NFU1: variants seen among roughly 807,000 people sequenced by gnomAD.
NFU1 encodes NFU1 iron-sulfur cluster scaffold homolog, mitochondrial.
Under a neutral mutation model 32.2 loss-of-function variants are expected in NFU1, and 30 were observed. The ratio of observed to expected loss-of-function variants is 0.93; its 90% CI spans 0.70 to 1.26. The LOEUF is 1.26. Among genes scored for constraint, NFU1 ranks in the 50% most tolerant of loss-of-function variants. The pLI is 0.00. For synonymous variants in NFU1, 112 were observed against 104.6 expected, an observed-to-expected ratio of 1.07 and a Z score of -0.43; for missense variants, 306 against 306.6, an observed-to-expected ratio of 1.00 and a Z score of 0.02.
intron 5 of NFU1, among the ~76,000 whole-genome samples, chr2:69,414,481 G>A (rs781396367): frequency 7.2e-5 from 11 of 151,998 alleles, no homozygotes; most frequent in Non-Finnish European, 1.6e-4. Flanking sequence ...AGCTGGGTGT[G>A]GTGGTGCACA....
chr2:69,411,338 G>A (rs537535399), intron 5 of NFU1, among the ~76,000 whole-genome samples: 1 of 152,178 alleles, frequency 6.6e-6, no homozygotes, highest in East Asian at 1.9e-4. Flanking sequence ...AAATACTTAT[G>A]GAGCTTCATG....
intron 6 of NFU1, among the ~76,000 whole-genome samples, chr2:69,402,895 CTT>C (rs1672569959): frequency 6.6e-6 from 1 of 151,456 alleles, no homozygotes; most frequent in African/African-American, 2.4e-5. Flanking sequence ...TATCTGATTT[CTT>C]GTGTCCCGTT....
At chr2:69,406,172 G>C in intron 5 of NFU1, 90 bp from the exon 6 acceptor site, 2 of 770,890 alleles carry the variant, frequency 2.6e-6, no homozygotes, top group Non-Finnish European at 2.2e-6. Context: ...TTAACTACAT[G>C]GTTCATTAAA....
intron 7 of NFU1, chr2:69,399,140 G>T (rs933170179): frequency 8.2e-6 from 2 of 244,316 alleles, no homozygotes; most frequent in Non-Finnish European, 1.6e-5. Context: ...CCTGGGAGGT[G>T]GAGGTTGCAG....
chr2:69,406,976 ACTT>A (rs1378639961), intron 5 of NFU1, among the ~76,000 whole-genome samples: 6 of 151,856 alleles, frequency 4.0e-5, no homozygotes, highest in African/African-American at 1.2e-4. Flanking sequence ...TTTGCTTGGC[ACTT>A]CTTCTTGTTG....
At chr2:69,416,228 T>C (rs1474328332) in intron 4 of NFU1, 4 of 150,454 alleles carry the variant, frequency 2.7e-5, no homozygotes, top group Non-Finnish European at 4.4e-5. Context: ...GGGTCCTGTT[T>C]AAACGAATTT....
intron 7 of NFU1, among the ~76,000 whole-genome samples, chr2:69,396,707 GC>G: frequency 6.6e-6 from 1 of 152,130 alleles, no homozygotes; most frequent in Middle Eastern, 3.4e-3. Flanking sequence ...ATTAATTAAA[GC>G]ATTGATCACT....
chr2:69,423,890 T>C (rs1298264789), intron 2 of NFU1, among the ~76,000 whole-genome samples, 173 bp from the exon 3 acceptor site: 2 of 151,930 alleles, frequency 1.3e-5, no homozygotes, highest in Non-Finnish European at 2.9e-5. Context: ...TATATCACCA[T>C]AGAGCCGGGC....
chr2:69,434,562 CTT>C (rs1224896711), intron 1 of NFU1, among the ~76,000 whole-genome samples: 1 of 152,160 alleles, frequency 6.6e-6, no homozygotes, highest in East Asian at 1.9e-4. Flanking sequence ...TAAAAGGAGA[CTT>C]TAATAGTAAA....
chr2:69,406,639 C>T (rs1401711837), intron 5 of NFU1, among the ~76,000 whole-genome samples: 2 of 152,172 alleles, frequency 1.3e-5, no homozygotes, highest in Non-Finnish European at 2.9e-5. Flanking sequence ...GGGGTGATCA[C>T]AGCTCACTGC....
intron 1 of NFU1, among the ~76,000 whole-genome samples, chr2:69,433,476 G>A (rs1297075213): frequency 6.7e-6 from 1 of 150,074 alleles, no homozygotes; most frequent in African/African-American, 2.5e-5. Context: ...CACCACACCT[G>A]GCCCGTCTTT....
At chr2:69,411,571 T>C (rs977631059) in intron 5 of NFU1, among the ~76,000 whole-genome samples, 3 of 152,134 alleles carry the variant, frequency 2.0e-5, no homozygotes, top group Non-Finnish European at 4.4e-5. Flanking sequence ...AGAATATTTA[T>C]ATATATACAG....
At chr2:69,417,662 GTAGA>G (rs1025901440) in intron 4 of NFU1, among the ~76,000 whole-genome samples, 1 of 151,840 alleles carries the variant, frequency 6.6e-6, no homozygotes, top group Non-Finnish European at 1.5e-5. Context: ...ATATGTATGT[GTAGA>G]TAGATAGATA....
intron 3 of NFU1, 70 bp from the exon 4 acceptor site, chr2:69,419,674 T>A: frequency 2.2e-6 from 2 of 892,258 alleles, no homozygotes; most frequent in Non-Finnish European, 3.6e-6. Context: ...TACACAAAAG[T>A]AGAGAAAAGT....
chr2:69,397,510 C>G (rs1479326560), intron 7 of NFU1, among the ~76,000 whole-genome samples: 1 of 152,042 alleles, frequency 6.6e-6, no homozygotes, highest in African/African-American at 2.4e-5. Context: ...ATCACCCTAC[C>G]CTGGACAATT....
At chr2:69,416,658 G>GGAGGCC (rs1478490887) in intron 4 of NFU1, among the ~76,000 whole-genome samples, 1 of 152,138 alleles carries the variant, frequency 6.6e-6, no homozygotes, top group Non-Finnish European at 1.5e-5. Flanking sequence ...AGCACTTTGG[G>GGAGGCC]GAGGCCGAGG....
chr2:69,423,170 G>GTGTGTA lies in NFU1; in HGVS notation c.302+411_302+412insTACACA, dbSNP rs1553401036. Among the ~76,000 whole-genome samples the GTGTGTA allele has an allele frequency of 1.9e-4, 22 of 113,990 alleles. No individual in the cohort carries two copies. In the South Asian group the frequency reaches 2.2e-3, roughly 11 times the overall value. 74.8% of individuals were successfully genotyped at this position (113,990 alleles called of 152,430 possible). A position where few individuals can be genotyped will look rare whatever the true frequency, so the allele number is the denominator to read the frequency against. ...TTTGTGTGTGTGTGTGTGTGTGTAT[G>GTGTGTA]TGTGTGTGTGTGTGGTGAGATGGGC... On this transcript the variant is annotated intron_variant, in intron 3 of 7. Coordinates refer to ENST00000410022, the MANE Select transcript of NFU1 (RefSeq NM_001002755.4).
chr2:69,400,790 A>G lies in NFU1; in HGVS notation c.546-252T>C, dbSNP rs1346595669. On this transcript the variant is annotated intron_variant, in intron 6 of 7. Transcript: ENST00000410022. ...CTTACCGCATTTGATCTTGCTTGCT[A>G]ATATCTTTTTAAGGCTGGGCATGGT... Among the ~76,000 whole-genome samples, 4 of 151,940 alleles carry G rather than the reference A, an allele frequency of 2.6e-5. No homozygotes were observed. The East Asian group carries it at 7.7e-4, about 29-fold the overall frequency.
intron 2 of NFU1, among the ~76,000 whole-genome samples, chr2:69,424,098 C>A (rs557293786): frequency 7.3e-6 from 1 of 136,528 alleles, no homozygotes; most frequent in East Asian, 2.4e-4. Context: ...CTTGAACCTG[C>A]GAGGCGGAGG....
Sources: allele counts gnomAD v4.1 joint callset (sites outside exome capture counted in the v4.1 genomes callset), GRCh38; gene constraint gnomAD v4.1.1; transcripts MANE v1.5; gene names NCBI Gene and HGNC (gene_info 2026-07-23, HGNC 2026-07-21).